SLC20A2: variants seen among roughly 807,000 people sequenced by gnomAD.
The protein encoded by SLC20A2 is solute carrier family 20 member 2.
In SLC20A2, 30 loss-of-function variants were observed where a neutral mutation model predicts 61.0. That is an observed-to-expected ratio of 0.49 (90% CI 0.37 to 0.67). SLC20A2 has a LOEUF of 0.67. Among genes scored for constraint, SLC20A2 ranks in the 30% least tolerant of loss-of-function variants. The pLI is 0.00. For missense variants in SLC20A2, 626 were observed against 866.4 expected, an observed-to-expected ratio of 0.72 and a Z score of 3.48; for synonymous variants, 351 against 353.3, an observed-to-expected ratio of 0.99 and a Z score of 0.07.
rs1183893549 is a variant in SLC20A2, at chr8:42,522,598, T to C, written c.-265+19223A>G. ...TGGGAGGCTGAGGCAGGAGAATCAC[T>C]TGAACCCGGGAGGCGGAGGTTGCAG... On this transcript the variant is annotated intron_variant, in intron 1 of 10. Transcript: ENST00000342228. Among the ~76,000 whole-genome samples the C allele has an allele frequency of 4.2e-5, 5 of 120,236 alleles. 1 individual carries two copies. Among genetic ancestry groups the C allele is most frequent in the Admixed American group, 1.7e-4 (2 of 12,018 alleles). The allele number at this position is 120,236 out of a possible 152,430, so 78.9% of individuals were successfully genotyped here.
intron 5 of SLC20A2, among the ~76,000 whole-genome samples, chr8:42,449,166 G>C (rs1435136260): frequency 6.6e-6 from 1 of 152,140 alleles, no homozygotes; most frequent in African/African-American, 2.4e-5. Flanking sequence ...ACGTCAGGCA[G>C]TAAGACATGG....
chr8:42,458,566 TGG>T (rs1296581472), intron 5 of SLC20A2, among the ~76,000 whole-genome samples: 1 of 136,970 alleles, frequency 7.3e-6, no homozygotes, highest in Non-Finnish European at 1.5e-5. Flanking sequence ...AAGGCTGCAG[TGG>T]GCTATGATTG....
At chr8:42,447,935 G>A (rs1429184344) in intron 5 of SLC20A2, among the ~76,000 whole-genome samples, 1 of 152,152 alleles carries the variant, frequency 6.6e-6, no homozygotes, top group African/African-American at 2.4e-5. Context: ...TCCAACTCAG[G>A]CTCTGCCCCT....
chr8:42,541,320 C>A (rs1328580960), intron 1 of SLC20A2: 2 of 149,022 alleles, frequency 1.3e-5, no homozygotes, highest in Non-Finnish European at 3.0e-5. Context: ...CCGCGAGCCC[C>A]GCCGGCGCCG....
At chr8:42,449,507 G>A (rs1219086383) in intron 5 of SLC20A2, among the ~76,000 whole-genome samples, 1 of 152,112 alleles carries the variant, frequency 6.6e-6, no homozygotes, top group Non-Finnish European at 1.5e-5. Context: ...TGTACTTCTT[G>A]TTTTTCACAT....
At chr8:42,457,736 C>A (rs1190906417) in intron 5 of SLC20A2, among the ~76,000 whole-genome samples, 3 of 152,144 alleles carry the variant, frequency 2.0e-5, no homozygotes, top group Non-Finnish European at 4.4e-5. Flanking sequence ...CCACCCACCT[C>A]GGCCTCCCAA....
chr8:42,424,968 C>T (rs908698978), intron 10 of SLC20A2, among the ~76,000 whole-genome samples: 1 of 152,146 alleles, frequency 6.6e-6, no homozygotes, highest in Non-Finnish European at 1.5e-5. Context: ...ACTGCTTGAA[C>T]CCAGGAGGCG....
chr8:42,492,077 C>T (rs1285108882), intron 1 of SLC20A2, among the ~76,000 whole-genome samples: 2 of 152,164 alleles, frequency 1.3e-5, no homozygotes, highest in African/African-American at 2.4e-5. Flanking sequence ...ATGCACTGGG[C>T]TGGGTGCGGT....
intron 1 of SLC20A2, among the ~76,000 whole-genome samples, chr8:42,523,008 C>T (rs1811685740): frequency 6.6e-6 from 1 of 151,684 alleles, no homozygotes; most frequent in Non-Finnish European, 1.5e-5. Flanking sequence ...TGCGGGTATG[C>T]ACCACTGCTC....
chr8:42,423,670 A>C (rs558937832), intron 10 of SLC20A2, among the ~76,000 whole-genome samples: 2 of 152,312 alleles, frequency 1.3e-5, no homozygotes, highest in East Asian at 3.9e-4. Context: ...TACTTTTTCT[A>C]TACTTCATTT....
chr8:42,430,667 T>A (rs186121918), intron 8 of SLC20A2, among the ~76,000 whole-genome samples: 1 of 152,212 alleles, frequency 6.6e-6, no homozygotes, highest in Non-Finnish European at 1.5e-5. Flanking sequence ...GGCCTTCAGA[T>A]AGGATGTTTT....
intron 1 of SLC20A2, chr8:42,536,694 C>T (rs538118759): frequency 6.6e-6 from 1 of 152,022 alleles, no homozygotes; most frequent in Non-Finnish European, 1.5e-5. Context: ...TTTTTTCCAC[C>T]AAAGGAGTAT....
rs773733773 is a variant in SLC20A2, at chr8:42,437,424, A to G, written c.1088T>C (p.Ile363Thr). The G allele has an allele frequency of 1.2e-6, 2 of 1,613,924 alleles. No individual in the cohort carries two copies. Among genetic ancestry groups the G allele is most frequent in the South Asian group, 2.2e-5 (2 of 91,074 alleles). ...LYKDLLHKIHIDRGPEEKPAQ... is the reference protein window; with the variant it reads ...LYKDLLHKIHTDRGPEEKPAQ... The stretch of plus-strand genomic sequence containing the variant: ...TGGCTTCTCCTCGGGGCCCCTGTCG[A>G]TGTGGATTTTGTGCAGCAGATCTTT... Residue 363 changes from isoleucine (I) to threonine (T), a missense_variant, in exon 8 of 11, where the codon ATC becomes ACC. Ile to Thr is a moderately conservative substitution (Grantham distance 89). Transcript: ENST00000520262. The surrounding 1 kb of genome is among the most constrained non-coding windows in gnomAD (Gnocchi z 6.4).
intron 1 of SLC20A2, among the ~76,000 whole-genome samples, chr8:42,527,755 C>T (rs751670090): frequency 1.3e-5 from 2 of 150,464 alleles, no homozygotes; most frequent in Non-Finnish European, 3.0e-5. Context: ...GCAACAAGAG[C>T]GAAACTCCGT....
rs564942623 is a variant in SLC20A2 at position 42,443,953 on chromosome 8, G to A, written c.730+693C>T. On this transcript the variant is annotated intron_variant, in intron 6 of 10. Coordinates refer to ENST00000520262, the MANE Select transcript of SLC20A2 (RefSeq NM_001257180.2). ...TCACGGCTGTAGGATGCCTTCAGCCGTCAGGTCCCCAGCAGTTCATTCTCT... is the reference window on the plus strand; with the variant it reads ...TCACGGCTGTAGGATGCCTTCAGCCATCAGGTCCCCAGCAGTTCATTCTCT... Among the ~76,000 whole-genome samples, 289 of 152,288 alleles carry A rather than the reference G, an allele frequency of 1.9e-3. 5 individuals carry two copies. The highest frequency in any genetic ancestry group is 2.3e-3 in the Non-Finnish European group (159 of 68,020).
At chr8:42,439,852 C>T (rs557805328) in intron 6 of SLC20A2, among the ~76,000 whole-genome samples, 199 bp from the exon 7 acceptor site, 31 of 151,792 alleles carry the variant, frequency 2.0e-4, no homozygotes, top group South Asian at 1.7e-3. Context: ...TTTGGGAGGC[C>T]GAAGCAGGTG....
intron 1 of SLC20A2, among the ~76,000 whole-genome samples, chr8:42,481,647 G>A (rs1024171992): frequency 7.2e-5 from 11 of 152,190 alleles, no homozygotes; most frequent in African/African-American, 2.7e-4. Context: ...AGAGACCACA[G>A]GGCCAGGAAG....
chr8:42,452,269 GAGGAAGAGATGGAAC>G (rs1453010678), intron 5 of SLC20A2, among the ~76,000 whole-genome samples: 1 of 146,868 alleles, frequency 6.8e-6, no homozygotes, highest in East Asian at 2.1e-4. Flanking sequence ...AGAGATAGAG[GAGGAAGAGATGGAAC>G]AGGAAGAGAT....
At chr8:42,438,072 AAAAAAAAAAAAAAAAAAC>A (rs1804467489) in intron 7 of SLC20A2, among the ~76,000 whole-genome samples, 1 of 145,106 alleles carries the variant, frequency 6.9e-6, no homozygotes, top group African/African-American at 2.7e-5. Flanking sequence ...CCAAAAAAAA[AAAAAAAAAAAAAAAAAAC>A]ATGGAAACAT....
Sources: allele counts gnomAD v4.1 joint callset (sites outside exome capture counted in the v4.1 genomes callset), GRCh38; gene constraint gnomAD v4.1.1; non-coding constraint Gnocchi (gnomAD v3.1); transcripts MANE v1.5; gene names NCBI Gene and HGNC (gene_info 2026-07-23, HGNC 2026-07-21).